EYS: variants seen among roughly 807,000 people sequenced by gnomAD.
EYS encodes EGF-like photoreceptor maintenance factor.
EYS carries 250 observed loss-of-function variants against 282.1 expected under a neutral mutation model. The observed-to-expected ratio is 0.89, with a 90% CI of 0.80 to 0.98. The LOEUF is 0.98. EYS is among the 50% of genes least tolerant of loss of function. The pLI, the probability that EYS is intolerant of heterozygous loss-of-function variation, is 0.00. For missense variants in EYS, 4,016 were observed against 3,709.0 expected, an observed-to-expected ratio of 1.08 and a Z score of -2.15; for synonymous variants, 1,355 against 1,282.9, an observed-to-expected ratio of 1.06 and a Z score of -1.20.
chr6:64,041,289 T>C (rs1323925910), intron 33 of EYS, among the ~76,000 whole-genome samples: 4 of 152,046 alleles, frequency 2.6e-5, no homozygotes, highest in African/African-American at 9.7e-5. Context: ...CCCTTAAACG[T>C]AGAACTAAAG....
intron 37 of EYS, among the ~76,000 whole-genome samples, chr6:63,803,129 T>C (rs985929714): frequency 1.3e-5 from 2 of 152,186 alleles, no homozygotes; most frequent in Admixed American, 6.5e-5. Context: ...AGTATCATGG[T>C]CCAGGTGTTT....
intron 31 of EYS, among the ~76,000 whole-genome samples, chr6:64,145,173 AATTTTC>A (rs1283382836): frequency 6.6e-6 from 1 of 152,110 alleles, no homozygotes; most frequent in Non-Finnish European, 1.5e-5. Context: ...CTTGCCTTTT[AATTTTC>A]TTTTTACCAT....
chr6:64,062,268 A>G (rs1347394308), intron 33 of EYS, among the ~76,000 whole-genome samples: 3 of 152,240 alleles, frequency 2.0e-5, no homozygotes, highest in African/African-American at 7.2e-5. Context: ...AGCAAAGGCA[A>G]TCGTAAATCC....
chr6:64,073,750 ATCTT>A (rs761624288), intron 32 of EYS, among the ~76,000 whole-genome samples: 2 of 151,540 alleles, frequency 1.3e-5, no homozygotes, highest in Non-Finnish European at 3.0e-5. Flanking sequence ...AGCAATGTGA[ATCTT>A]TATATATATG....
chr6:63,940,953 G>A (rs1049659172), intron 35 of EYS, among the ~76,000 whole-genome samples: 1 of 151,452 alleles, frequency 6.6e-6, no homozygotes, highest in South Asian at 2.1e-4. Context: ...CTGTCCTTGC[G>A]ATAGTTTGCT....
chr6:65,501,135 T>A, intron 2 of EYS, among the ~76,000 whole-genome samples: 1 of 151,820 alleles, frequency 6.6e-6, no homozygotes, highest in East Asian at 1.9e-4. Context: ...CAGTTTGTCT[T>A]CTGTGAAGTG....
chr6:63,926,142 A>C (rs753306191), intron 35 of EYS, among the ~76,000 whole-genome samples: 1 of 152,216 alleles, frequency 6.6e-6, no homozygotes, highest in Non-Finnish European at 1.5e-5. Context: ...TAGTTAGATA[A>C]TCTTTCAAAG....
intron 14 of EYS, among the ~76,000 whole-genome samples, chr6:64,991,634 A>G (rs1411914430): frequency 6.6e-6 from 1 of 151,684 alleles, no homozygotes; most frequent in Non-Finnish European, 1.5e-5. Context: ...ATTTATTACA[A>G]TAGTGTGGAG....
chr6:64,246,257 T>C (rs1582479947), intron 30 of EYS, among the ~76,000 whole-genome samples: 1 of 151,942 alleles, frequency 6.6e-6, no homozygotes, highest in Non-Finnish European at 1.5e-5. Flanking sequence ...TCTTGGCTTA[T>C]AGTAATTTAT....
chr6:64,456,246 TATTG>T (rs963072029), intron 26 of EYS, among the ~76,000 whole-genome samples: 4 of 152,148 alleles, frequency 2.6e-5, no homozygotes, highest in Admixed American at 6.6e-5. Flanking sequence ...TCATTTAATG[TATTG>T]ATTAAGAATC....
chr6:65,587,212 T>G (rs1254484325), intron 2 of EYS, among the ~76,000 whole-genome samples: 1 of 152,078 alleles, frequency 6.6e-6, no homozygotes, highest in Non-Finnish European at 1.5e-5. Flanking sequence ...TTTATAATCC[T>G]TTGGCTCAAC....
intron 1 of EYS, among the ~76,000 whole-genome samples, chr6:65,651,964 C>G (rs921890448): frequency 6.6e-6 from 1 of 150,924 alleles, no homozygotes. Context: ...ATAAAAGATT[C>G]TTTTTTTTTA....
intron 33 of EYS, among the ~76,000 whole-genome samples, chr6:64,023,859 C>T (rs1056545931): frequency 2.0e-5 from 3 of 152,226 alleles, no homozygotes; most frequent in Admixed American, 6.5e-5. Context: ...GCTCAGTGGG[C>T]CCCGCACTCG....
intron 26 of EYS, among the ~76,000 whole-genome samples, chr6:64,453,167 A>G (rs1376155481): frequency 2.0e-5 from 3 of 149,404 alleles, no homozygotes; most frequent in African/African-American, 7.7e-5. Flanking sequence ...CAAGAAAAAA[A>G]CAAACAACCC....
At chr6:64,607,123 A>C (rs1362977125) in intron 24 of EYS, among the ~76,000 whole-genome samples, 1 of 152,100 alleles carries the variant, frequency 6.6e-6, no homozygotes, top group African/African-American at 2.4e-5. Context: ...GAAAAAGCAG[A>C]GAAACAGAGA....
At chr6:63,978,997 C>T (rs1582069677) in intron 35 of EYS, among the ~76,000 whole-genome samples, 1 of 151,958 alleles carries the variant, frequency 6.6e-6, no homozygotes, top group Admixed American at 6.6e-5. Flanking sequence ...GAATGCTAAA[C>T]AAATACATAC....
intron 2 of EYS, among the ~76,000 whole-genome samples, chr6:65,611,127 TTC>T (rs1422121002): frequency 1.3e-5 from 2 of 151,924 alleles, no homozygotes; most frequent in African/African-American, 4.8e-5. Context: ...TTCCACACTT[TTC>T]TCTTTTATTT....
At chr6:64,979,834 TA>T (rs1770593056) in intron 14 of EYS, among the ~76,000 whole-genome samples, 1 of 151,664 alleles carries the variant, frequency 6.6e-6, no homozygotes, top group South Asian at 2.1e-4. Context: ...TTGTATAGAT[TA>T]ATTAGCCAAC....
chr6:64,139,161 A>G (rs1273682446), intron 31 of EYS, among the ~76,000 whole-genome samples: 2 of 152,212 alleles, frequency 1.3e-5, no homozygotes, highest in Non-Finnish European at 2.9e-5. Flanking sequence ...CTATAAGAAA[A>G]TGTATGGAAA....
Sources: gnomAD v4.1 joint callset for allele counts (sites outside exome capture counted in the v4.1 genomes callset) on GRCh38, gnomAD v4.1.1 for gene constraint, MANE v1.5 for transcripts, NCBI Gene and HGNC (gene_info 2026-07-23, HGNC 2026-07-21) for gene names.